Variants in SLC35F1 observed in about 807,000 individuals in gnomAD.
The protein encoded by SLC35F1 is chromosome 6 open reading frame 169.
SLC35F1 carries 14 observed loss-of-function variants against 48.7 expected under a neutral mutation model. That is an observed-to-expected ratio of 0.29 (90% CI 0.19 to 0.45). The LOEUF is 0.45. Among genes scored for constraint, SLC35F1 ranks in the 20% least tolerant of loss-of-function variants. The probability of loss-of-function intolerance (pLI) is 1.00; values close to 1 mark genes in which losing one functional copy is unlikely to be tolerated. For missense variants in SLC35F1, 404 were observed against 500.0 expected (o/e 0.81, Z 1.83); for synonymous variants, 190 against 202.2 (o/e 0.94, Z 0.51).
At chr6:118,159,097 T>A (rs1005970962) in intron 2 of SLC35F1, among the ~76,000 whole-genome samples, 4 of 151,782 alleles carry the variant, frequency 2.6e-5, no homozygotes, top group African/African-American at 7.3e-5. Context: ...GGCAGGCGCC[T>A]GTAGTCCCAG....
intron 2 of SLC35F1, among the ~76,000 whole-genome samples, chr6:118,221,367 C>G (rs943269245): frequency 6.6e-6 from 1 of 152,154 alleles, no homozygotes; most frequent in African/African-American, 2.4e-5. Context: ...AAGAAAGGTT[C>G]TTAGCTATTA....
In SLC35F1 at chr6:118,298,752, A is replaced by G. The variant is rs181896519; in HGVS notation, c.1002+13414A>G. ...GAATCTCCTAGACTCTCCCTTGACTAACTTTTCAAAATTTATGCCATATGA... is the reference window on the plus strand; with the variant it reads ...GAATCTCCTAGACTCTCCCTTGACTGACTTTTCAAAATTTATGCCATATGA... On this transcript the variant is annotated intron_variant, in intron 7 of 7. Transcript: ENST00000360388. Among the ~76,000 whole-genome samples the G allele has an allele frequency of 1.0e-3, 159 of 152,308 alleles. 1 individual carries two copies. Among genetic ancestry groups the G allele is most frequent in the African/African-American group, 3.7e-3 (152 of 41,568 alleles).
At position 118,052,250 on chromosome 6, in the gene SLC35F1, A is replaced by G. The variant is rs146603584; in HGVS notation, c.174-102195A>G. 4.2e-3 allele frequency among the ~76,000 whole-genome samples: 640 copies of G among 152,252 alleles called. 7 individuals carry two copies. Among genetic ancestry groups the G allele is most frequent in the African/African-American group, 0.015 (608 of 41,568 alleles). ...TCTGTAAACAACTCACCATGTAAAAAGAAATTTTTTCTTCCCCAGGTGTCG... is the reference window on the plus strand; with the variant it reads ...TCTGTAAACAACTCACCATGTAAAAGGAAATTTTTTCTTCCCCAGGTGTCG... On this transcript the variant is annotated intron_variant, in intron 1 of 7. Transcript: ENST00000360388.
chr6:118,055,963 A>T (rs563151442), intron 1 of SLC35F1, among the ~76,000 whole-genome samples: 5 of 152,338 alleles, frequency 3.3e-5, no homozygotes, highest in Non-Finnish European at 5.9e-5. Flanking sequence ...TTTCAGAAAG[A>T]CAATTGTTGG....
At chr6:118,188,745 T>G (rs1774694761) in intron 2 of SLC35F1, among the ~76,000 whole-genome samples, 1 of 152,192 alleles carries the variant, frequency 6.6e-6, no homozygotes, top group Non-Finnish European at 1.5e-5. Flanking sequence ...TTACGTTGTT[T>G]CCATATCTTG....
chr6:118,107,977 A>G (rs1334438016), intron 1 of SLC35F1, among the ~76,000 whole-genome samples: 1 of 152,112 alleles, frequency 6.6e-6, no homozygotes, highest in Non-Finnish European at 1.5e-5. Context: ...CAGCCCTAGC[A>G]CAAGAAAACT....
intron 3 of SLC35F1, among the ~76,000 whole-genome samples, chr6:118,246,399 C>G (rs1424013791): frequency 6.6e-6 from 1 of 152,026 alleles, no homozygotes; most frequent in Non-Finnish European, 1.5e-5. Flanking sequence ...GCCTATTTTG[C>G]TGGAAGATAG....
intron 1 of SLC35F1, among the ~76,000 whole-genome samples, chr6:117,989,218 T>C (rs1456973989): frequency 2.6e-5 from 4 of 152,220 alleles, no homozygotes; most frequent in Non-Finnish European, 1.5e-5. Flanking sequence ...TGAGCCTCTG[T>C]TTCCAGACAA....
intron 1 of SLC35F1, among the ~76,000 whole-genome samples, chr6:118,070,163 A>AG (rs1554226038): frequency 6.6e-6 from 1 of 151,040 alleles, no homozygotes; most frequent in Non-Finnish European, 1.5e-5. Flanking sequence ...AAAAAAAAAA[A>AG]GAATGTTCAT....
intron 1 of SLC35F1, among the ~76,000 whole-genome samples, chr6:118,128,617 C>G (rs1465886120): frequency 2.0e-5 from 3 of 151,570 alleles, no homozygotes; most frequent in Admixed American, 6.6e-5. Context: ...ACAATGAGAA[C>G]ACATAGACAC....
chr6:118,068,375 TAAG>T (rs1162044864), intron 1 of SLC35F1, among the ~76,000 whole-genome samples: 2 of 152,198 alleles, frequency 1.3e-5, no homozygotes, highest in African/African-American at 4.8e-5. Context: ...TAGACATGTG[TAAG>T]AAGAATACAT....
At chr6:118,217,186 G>A (rs920966458) in intron 2 of SLC35F1, among the ~76,000 whole-genome samples, 1 of 152,132 alleles carries the variant, frequency 6.6e-6, no homozygotes, top group African/African-American at 2.4e-5. Flanking sequence ...TTGCCCCAGT[G>A]TTCATAGCAG....
intron 3 of SLC35F1, among the ~76,000 whole-genome samples, chr6:118,238,806 G>C (rs889446632): frequency 2.0e-5 from 3 of 152,166 alleles, no homozygotes; most frequent in Non-Finnish European, 2.9e-5. Context: ...GCTTAGACCT[G>C]AAGTATCTGA....
rs75432253 is a variant in SLC35F1 at position 118,146,900 on chromosome 6, T to G, written c.174-7545T>G. Among the ~76,000 whole-genome samples the G allele has an allele frequency of 8.7e-3, 1,326 of 152,292 alleles. 17 individuals are homozygous for G. The highest frequency in any genetic ancestry group is 0.03 in the African/African-American group (1,255 of 41,548). ...TAGATTTTAGGATCAAAGATACAAA[T>G]TCCAAGAGTTGATGTGCACAGATCA... On this transcript the variant is annotated intron_variant, in intron 1 of 7. Transcript: ENST00000360388.
chr6:117,941,011 G>A (rs1360277839), intron 1 of SLC35F1, among the ~76,000 whole-genome samples: 1 of 152,042 alleles, frequency 6.6e-6, no homozygotes, highest in Non-Finnish European at 1.5e-5. Context: ...ATACAAAATG[G>A]CAACTTGCAT....
chr6:117,947,858 T>C (rs1350603824), intron 1 of SLC35F1, among the ~76,000 whole-genome samples: 4 of 151,994 alleles, frequency 2.6e-5, no homozygotes, highest in Non-Finnish European at 2.9e-5. Flanking sequence ...TTGAGAGTCA[T>C]TGTATAGTTG....
chr6:118,198,672 A>G (rs532482108), intron 2 of SLC35F1, among the ~76,000 whole-genome samples: 16 of 152,324 alleles, frequency 1.1e-4, no homozygotes, highest in African/African-American at 3.6e-4. Context: ...GCTTTGATGT[A>G]TTCCAGAGCT....
At chr6:118,027,946 T>C (rs1382414862) in intron 1 of SLC35F1, among the ~76,000 whole-genome samples, 1 of 152,106 alleles carries the variant, frequency 6.6e-6, no homozygotes, top group Non-Finnish European at 1.5e-5. Context: ...CCAAGGGGAT[T>C]ACAAATATTT....
intron 1 of SLC35F1, among the ~76,000 whole-genome samples, chr6:118,096,955 A>G (rs1355587920): frequency 6.6e-6 from 1 of 152,170 alleles, no homozygotes; most frequent in Non-Finnish European, 1.5e-5. Context: ...TAGTATTTGC[A>G]GGATCTATTC....
Sources: gnomAD v4.1 joint callset for allele counts (sites outside exome capture counted in the v4.1 genomes callset) on GRCh38, gnomAD v4.1.1 for gene constraint, MANE v1.5 for transcripts, NCBI Gene and HGNC (gene_info 2026-07-23, HGNC 2026-07-21) for gene names.